Variants in ADGRL2 observed in about 807,000 individuals in gnomAD.
ADGRL2 encodes calcium-independent alpha-latrotoxin receptor 2.
ADGRL2 carries 44 observed loss-of-function variants against 157.4 expected under a neutral mutation model. That is an observed-to-expected ratio of 0.28 (90% CI 0.22 to 0.36). The LOEUF (loss-of-function observed/expected upper bound fraction) is 0.36, where lower values mean the gene tolerates loss of function less well. ADGRL2 is among the 10% of genes least tolerant of loss of function. The pLI is 1.00. For synonymous variants in ADGRL2, 585 were observed against 624.7 expected (o/e 0.94, Z 0.95); for missense variants, 1,510 against 1,768.9 (o/e 0.85, Z 2.63).
chr1:81,644,722 C>G (rs2082281282), intron 3 of ADGRL2, among the ~76,000 whole-genome samples: 1 of 152,134 alleles, frequency 6.6e-6, no homozygotes, highest in Admixed American at 6.5e-5. Flanking sequence ...GATGATGTAT[C>G]AAGGTAGGTT....
At chr1:81,712,763 T>C (rs891614990) in intron 1 of ADGRL2, among the ~76,000 whole-genome samples, 94 of 146,304 alleles carry the variant, frequency 6.4e-4, no homozygotes, top group Non-Finnish European at 1.2e-3. Flanking sequence ...GGATTTTTTT[T>C]TTTTTTTTTT....
At chr1:81,543,038 G>C (rs1395208994) in intron 2 of ADGRL2, among the ~76,000 whole-genome samples, 4 of 141,450 alleles carry the variant, frequency 2.8e-5, no homozygotes, top group Non-Finnish European at 6.2e-5. Context: ...TGCTGTTTTT[G>C]CAAAGCCTTA....
At chr1:81,707,936 T>C (rs1385670483) in intron 1 of ADGRL2, among the ~76,000 whole-genome samples, 2 of 152,176 alleles carry the variant, frequency 1.3e-5, no homozygotes, top group African/African-American at 4.8e-5. Flanking sequence ...ATGGGGAATA[T>C]GAATTATCCA....
At chr1:81,577,408 T>C (rs1008766820) in intron 2 of ADGRL2, among the ~76,000 whole-genome samples, 1 of 152,202 alleles carries the variant, frequency 6.6e-6, no homozygotes, top group Non-Finnish European at 1.5e-5. Context: ...CTTCTCTGTG[T>C]GTGCATTGTC....
At chr1:81,730,818 A>G (rs1570990060) in intron 1 of ADGRL2, among the ~76,000 whole-genome samples, 1 of 152,136 alleles carries the variant, frequency 6.6e-6, no homozygotes, top group African/African-American at 2.4e-5. Flanking sequence ...TCTTACCTTA[A>G]TAATTCAGAT....
rs188463808 is a variant in ADGRL2 at position 81,905,247 on chromosome 1, G to C, written c.74-1770G>C. On this transcript the variant is annotated intron_variant, in intron 2 of 23. Coordinates refer to ENST00000686636, the MANE Select transcript of ADGRL2 (RefSeq NM_001366006.2). The stretch of plus-strand genomic sequence containing the variant: ...CTAGTAACTGGGATTACAGGCATGC[G>C]CCACCACACCCGGCTAGTTTTGTAT... Among the ~76,000 whole-genome samples, 16 of 151,880 alleles carry C rather than the reference G, an allele frequency of 1.1e-4. No individual in the cohort carries two copies. The East Asian group carries it at 2.5e-3, about 24-fold the overall frequency.
chr1:81,860,011 T>A (rs2150745082), intron 2 of ADGRL2, among the ~76,000 whole-genome samples: 1 of 151,946 alleles, frequency 6.6e-6, no homozygotes. Context: ...AATCACAAGG[T>A]CAGGAGTTCC....
chr1:81,804,359 C>T (rs1279590812), intron 1 of ADGRL2, among the ~76,000 whole-genome samples: 2 of 152,190 alleles, frequency 1.3e-5, no homozygotes, highest in African/African-American at 2.4e-5. Context: ...CATTTCACAT[C>T]ATTCTGCACA....
intron 2 of ADGRL2, among the ~76,000 whole-genome samples, chr1:81,888,797 A>G (rs1354840232): frequency 6.6e-6 from 1 of 152,100 alleles, no homozygotes; most frequent in Non-Finnish European, 1.5e-5. Flanking sequence ...TGTTTCCCAC[A>G]AGTCTTATCA....
intron 2 of ADGRL2, among the ~76,000 whole-genome samples, chr1:81,888,741 T>G (rs1275074447): frequency 6.6e-6 from 1 of 152,124 alleles, no homozygotes; most frequent in Non-Finnish European, 1.5e-5. Flanking sequence ...TGTGAACCAC[T>G]GCGCCCGGCC....
At chr1:81,503,999 G>A (rs1452148729) in intron 2 of ADGRL2, among the ~76,000 whole-genome samples, 2 of 152,238 alleles carry the variant, frequency 1.3e-5, no homozygotes, top group East Asian at 1.9e-4. Context: ...CTACTGTTAG[G>A]TTCCTGGGGT....
chr1:81,317,271 C>T (rs1660170247), intron 1 of ADGRL2, among the ~76,000 whole-genome samples: 1 of 152,148 alleles, frequency 6.6e-6, no homozygotes, highest in Non-Finnish European at 1.5e-5. Flanking sequence ...GGAGGTATTT[C>T]TTCACTCTGT....
At chr1:81,812,388 TTG>T (rs2089966730) in intron 1 of ADGRL2, among the ~76,000 whole-genome samples, 1 of 151,782 alleles carries the variant, frequency 6.6e-6, no homozygotes, top group Non-Finnish European at 1.5e-5. Flanking sequence ...ACTAAAGGCC[TTG>T]TGTTTATCAT....
chr1:81,624,028 G>C (rs1244517447), intron 3 of ADGRL2, among the ~76,000 whole-genome samples: 1 of 152,088 alleles, frequency 6.6e-6, no homozygotes, highest in Non-Finnish European at 1.5e-5. Context: ...TGGAGGCAAA[G>C]ATTGGAGCAA....
At chr1:81,675,779 A>G (rs1325430840) in intron 3 of ADGRL2, among the ~76,000 whole-genome samples, 2 of 152,018 alleles carry the variant, frequency 1.3e-5, no homozygotes, top group Non-Finnish European at 2.9e-5. Flanking sequence ...ACAGGGTTTC[A>G]CCATGTTAGC....
At chr1:81,799,960 C>T (rs1295573588), upstream of ADGRL2, among the ~76,000 whole-genome samples, 1 of 152,104 alleles carries the variant, frequency 6.6e-6, no homozygotes, top group African/African-American at 2.4e-5. Context: ...GTTTTTCCAG[C>T]GTGATTCGCC....
chr1:81,349,584 T>A (rs1662726887), intron 1 of ADGRL2, among the ~76,000 whole-genome samples: 1 of 133,530 alleles, frequency 7.5e-6, no homozygotes, highest in Admixed American at 8.1e-5. Flanking sequence ...TGCACCAATC[T>A]CTTTTAAAAG....
chr1:81,610,115 A>G (rs1164124303), intron 3 of ADGRL2, among the ~76,000 whole-genome samples: 1 of 152,176 alleles, frequency 6.6e-6, no homozygotes, highest in Non-Finnish European at 1.5e-5. Context: ...CCAGGGGTGC[A>G]ATGTCAACTA....
At chr1:81,986,342 A>G (rs1050522099) in intron 21 of ADGRL2, among the ~76,000 whole-genome samples, 2 of 152,074 alleles carry the variant, frequency 1.3e-5, no homozygotes, top group African/African-American at 4.8e-5. Flanking sequence ...CTAATAATTC[A>G]TTTTATAGTC....
Sources: gnomAD v4.1 joint callset for allele counts (sites outside exome capture counted in the v4.1 genomes callset) on GRCh38, gnomAD v4.1.1 for gene constraint, MANE v1.5 for transcripts, NCBI Gene and HGNC (gene_info 2026-07-23, HGNC 2026-07-21) for gene names.